CCDC192: variants seen among roughly 807,000 people sequenced by gnomAD.
The protein encoded by CCDC192 is coiled-coil domain-containing protein 192.
intron 2 of CCDC192, among the ~76,000 whole-genome samples, chr5:127,725,072 T>A (rs569092683): frequency 7.2e-5 from 11 of 152,286 alleles, no homozygotes; most frequent in Admixed American, 7.2e-4. Context: ...GCAAAACTCT[T>A]TATATCAAAT....
At chr5:127,798,934 A>G (rs1227082823) in intron 5 of CCDC192, among the ~76,000 whole-genome samples, 1 of 152,082 alleles carries the variant, frequency 6.6e-6, no homozygotes, top group East Asian at 1.9e-4. Flanking sequence ...TCCTGCCACA[A>G]TACCCTGTGT....
At chr5:127,769,983 A>G (rs1755455157) in intron 3 of CCDC192, among the ~76,000 whole-genome samples, 1 of 152,196 alleles carries the variant, frequency 6.6e-6, no homozygotes, top group African/African-American at 2.4e-5. Flanking sequence ...AGATTGAGAG[A>G]GAATGGGCAA....
intron 3 of CCDC192, among the ~76,000 whole-genome samples, chr5:127,787,678 G>A (rs184283115): frequency 1.6e-3 from 237 of 152,144 alleles, no homozygotes; most frequent in African/African-American, 5.5e-3. Context: ...TGCTTCATGT[G>A]CACTTGAAAA....
chr5:127,861,062 G>T (rs776129259), intron 5 of CCDC192, among the ~76,000 whole-genome samples: 190 of 152,074 alleles, frequency 1.2e-3, no homozygotes, highest in Non-Finnish European at 2.1e-3. Flanking sequence ...AGCCTGGAAT[G>T]CAATGGCGCA....
chr5:127,938,721 C>T (rs1406697933), intron 6 of CCDC192, among the ~76,000 whole-genome samples: 2 of 152,228 alleles, frequency 1.3e-5, no homozygotes, highest in African/African-American at 4.8e-5. Context: ...AACTAAATCT[C>T]CCAGTCAAAT....
intron 6 of CCDC192, among the ~76,000 whole-genome samples, chr5:127,905,249 A>G (rs1264348348): frequency 6.6e-6 from 1 of 152,220 alleles, no homozygotes; most frequent in Admixed American, 6.5e-5. Context: ...TATCAAGTTT[A>G]ATGTGAAAAC....
intron 3 of CCDC192, chr5:127,784,908 C>G (rs1756449748): frequency 8.9e-6 from 4 of 449,364 alleles, no homozygotes; most frequent in South Asian, 7.3e-5. Flanking sequence ...CCCTTAATTT[C>G]TAATTTTTAT....
chr5:127,876,783 C>T (rs1485140402), intron 6 of CCDC192, among the ~76,000 whole-genome samples: 3 of 152,162 alleles, frequency 2.0e-5, no homozygotes, highest in African/African-American at 7.2e-5. Context: ...GAGACACTCC[C>T]AGCACCTGAC....
intron 6 of CCDC192, among the ~76,000 whole-genome samples, chr5:127,882,965 T>C (rs1752416224): frequency 6.6e-6 from 1 of 152,234 alleles, no homozygotes; most frequent in Non-Finnish European, 1.5e-5. Context: ...TGAAAACAGA[T>C]ATTTGTTTTA....
chr5:127,756,511 G>A (rs58417003), intron 3 of CCDC192, among the ~76,000 whole-genome samples: 5 of 152,294 alleles, frequency 3.3e-5, no homozygotes, highest in African/African-American at 1.2e-4. Flanking sequence ...GAACTGGTTG[G>A]GGCAGATTAC....
intron 5 of CCDC192, among the ~76,000 whole-genome samples, chr5:127,800,403 A>AAAAAAAAAAAAAAAAAT (rs1491339142): frequency 2.2e-5 from 2 of 89,624 alleles, no homozygotes; most frequent in African/African-American, 3.5e-5. Flanking sequence ...AAAAAAAAAC[A>AAAAAAAAAAAAAAAAAT]ACAACAACAA....
intron 3 of CCDC192, among the ~76,000 whole-genome samples, chr5:127,762,006 T>G (rs771810458): frequency 3.3e-4 from 50 of 152,204 alleles, no homozygotes; most frequent in Non-Finnish European, 6.5e-4. Context: ...ATTTGTGTAT[T>G]GAGTGGCTAA....
At chr5:127,733,138 T>C (rs1752739802) in intron 2 of CCDC192, among the ~76,000 whole-genome samples, 1 of 152,198 alleles carries the variant, frequency 6.6e-6, no homozygotes, top group African/African-American at 2.4e-5. Context: ...TTTTTGCTCT[T>C]AGTTTATGCA....
intron 5 of CCDC192, among the ~76,000 whole-genome samples, chr5:127,850,854 C>A (rs1192534195): frequency 2.0e-5 from 3 of 152,094 alleles, no homozygotes; most frequent in African/African-American, 7.2e-5. Flanking sequence ...TAATCCCAGC[C>A]ACTCCGGAGG....
At chr5:127,751,172 T>G (rs1388879663) in intron 2 of CCDC192, among the ~76,000 whole-genome samples, 3 of 151,184 alleles carry the variant, frequency 2.0e-5, no homozygotes, top group East Asian at 1.9e-4. Context: ...GTTAGCTGGT[T>G]ATTTTGCTCG....
chr5:127,810,511 G>A (rs907066459), intron 5 of CCDC192, among the ~76,000 whole-genome samples: 1 of 152,072 alleles, frequency 6.6e-6, no homozygotes, highest in African/African-American at 2.4e-5. Context: ...AGGGGAATAT[G>A]GATTTTTGTT....
At chr5:127,718,764 T>A (rs1751787369) in intron 2 of CCDC192, among the ~76,000 whole-genome samples, 1 of 152,188 alleles carries the variant, frequency 6.6e-6, no homozygotes, top group South Asian at 2.1e-4. Context: ...TTTTAATTGT[T>A]ATGGGTACAC....
chr5:127,930,207 T>TTAAAC (rs36226054), intron 6 of CCDC192, among the ~76,000 whole-genome samples: 7 of 148,970 alleles, frequency 4.7e-5, no homozygotes, highest in African/African-American at 1.3e-4. Context: ...TCTTCTCAAA[T>TTAAAC]TAAACTAAAC....
chr5:127,839,662 G>T (rs1361744566), intron 5 of CCDC192, among the ~76,000 whole-genome samples: 3 of 152,098 alleles, frequency 2.0e-5, no homozygotes, highest in African/African-American at 7.2e-5. Context: ...TTGCAGGGAA[G>T]TGGTCAAGGG....
Sources: gnomAD v4.1 joint callset for allele counts (sites outside exome capture counted in the v4.1 genomes callset) on GRCh38, gnomAD v4.1.1 for gene constraint, MANE v1.5 for transcripts, NCBI Gene and HGNC (gene_info 2026-07-23, HGNC 2026-07-21) for gene names.